The following YEATS2 variants were observed in gnomAD, a reference collection of about 807,000 sequenced individuals.
The protein encoded by YEATS2 is YEATS domain-containing protein 2.
YEATS2 carries 77 observed loss-of-function variants against 163.2 expected under a neutral mutation model. The ratio of observed to expected loss-of-function variants is 0.47; its 90% confidence interval spans 0.39 to 0.57. The LOEUF is 0.57. Among genes scored for constraint, YEATS2 ranks in the 20% least tolerant of loss-of-function variants. The pLI is 0.00. For missense variants in YEATS2, 1,549 were observed against 1,729.8 expected (o/e 0.90, Z 1.85); for synonymous variants, 631 against 645.1 (o/e 0.98, Z 0.33).
At position 183,752,318 on chromosome 3, in the gene YEATS2, A is replaced by T. The variant is rs1428496885; in HGVS notation, c.1150+65A>T. On this transcript the variant is annotated intron_variant, in intron 10 of 30. Transcript: ENST00000305135. ...CATTCCTTTCCCATTTGCTGCTTTCAGAGACCTATAGTATATGGAAAATAA... is the reference window on the plus strand; with the variant it reads ...CATTCCTTTCCCATTTGCTGCTTTCTGAGACCTATAGTATATGGAAAATAA... 4 of 1,577,170 alleles carry T rather than the reference A, an allele frequency of 2.5e-6. No homozygotes were observed. In the African/African-American group the frequency reaches 5.4e-5, roughly 21 times the overall value.
At chr3:183,767,379 C>G (rs1029001629) in intron 15 of YEATS2, among the ~76,000 whole-genome samples, 1 of 135,602 alleles carries the variant, frequency 7.4e-6, no homozygotes, top group African/African-American at 2.6e-5. Context: ...ACCACCACGC[C>G]CAGCTAATTT....
chr3:183,737,066 C>G (rs1180319802), intron 8 of YEATS2, among the ~76,000 whole-genome samples: 1 of 151,922 alleles, frequency 6.6e-6, no homozygotes, highest in Non-Finnish European at 1.5e-5. Context: ...TATATTCTTA[C>G]AATAAAGTAA....
At chr3:183,714,480 G>A (rs1168909924) in intron 1 of YEATS2, among the ~76,000 whole-genome samples, 2 of 151,974 alleles carry the variant, frequency 1.3e-5, no homozygotes, top group African/African-American at 2.4e-5. Flanking sequence ...ACAGGCGTGA[G>A]CCACCGTGCC....
At chr3:183,806,603 G>C (rs1726231365) in intron 27 of YEATS2, 1 of 490,720 alleles carries the variant, frequency 2.0e-6, no homozygotes, top group East Asian at 4.0e-5. Flanking sequence ...CTGGTTTTTG[G>C]TGGCAGAAGT....
chr3:183,790,299 T>A (rs773801740), intron 20 of YEATS2, among the ~76,000 whole-genome samples: 66 of 152,250 alleles, frequency 4.3e-4, no homozygotes, highest in Non-Finnish European at 6.5e-4. Flanking sequence ...ATCATTATAC[T>A]TAGGTGACTG....
At chr3:183,765,919 C>T (rs1218970041) in intron 15 of YEATS2, among the ~76,000 whole-genome samples, 1 of 151,094 alleles carries the variant, frequency 6.6e-6, no homozygotes, top group Non-Finnish European at 1.5e-5. Flanking sequence ...TGTACTCCAG[C>T]CTGGGAGATA....
chr3:183,723,123 G>C (rs971057515), intron 5 of YEATS2, among the ~76,000 whole-genome samples: 1 of 152,198 alleles, frequency 6.6e-6, no homozygotes, highest in Non-Finnish European at 1.5e-5. Flanking sequence ...GTTCTTCAAC[G>C]GTTTCCTCTG....
chr3:183,715,240 G>A lies in YEATS2; in HGVS notation c.78G>A (p.Arg26=), dbSNP rs751315200. 4 of 1,612,172 alleles carry A rather than the reference G, an allele frequency of 2.5e-6. No individual in the cohort carries two copies. Among genetic ancestry groups the A allele is most frequent in the Non-Finnish European group, 3.4e-6 (4 of 1,178,980 alleles). Residue 26 remains arginine, a synonymous_variant, in exon 2 of 31, where the codon CGG becomes CGA. Transcript: ENST00000305135. ...EDVSVALPNK[R]HKAIENSARD... Reference sequence around the variant, plus strand: ...TATCTGTGGCCCTTCCAAATAAGCGGCATAAAGCAATTGAGAATTCAGGTA... The same window carrying A: ...TATCTGTGGCCCTTCCAAATAAGCGACATAAAGCAATTGAGAATTCAGGTA...
At chr3:183,745,083 C>G (rs1438487425) in intron 8 of YEATS2, among the ~76,000 whole-genome samples, 1 of 152,172 alleles carries the variant, frequency 6.6e-6, no homozygotes, top group East Asian at 1.9e-4. Flanking sequence ...CTCTTGGCCT[C>G]CAGTGATCCA....
chr3:183,741,805 GGA>G (rs1037175706), intron 8 of YEATS2, among the ~76,000 whole-genome samples: 8 of 152,094 alleles, frequency 5.3e-5, no homozygotes, highest in Middle Eastern at 3.4e-3. Flanking sequence ...GAGCTTTGAT[GGA>G]GATGTATAAG....
At chr3:183,756,130 A>G (rs1720742766) in intron 11 of YEATS2, among the ~76,000 whole-genome samples, 1 of 152,230 alleles carries the variant, frequency 6.6e-6, no homozygotes, top group African/African-American at 2.4e-5. Context: ...GATTTATCAT[A>G]TCAAGATTCA....
intron 20 of YEATS2, 27 bp downstream of exon 20, chr3:183,786,328 T>C: frequency 1.3e-6 from 2 of 1,579,638 alleles, no homozygotes; most frequent in Non-Finnish European, 1.7e-6. Context: ...CAGTAGAGAA[T>C]CCTAATGAGA....
chr3:183,705,779 C>T (rs766167392), intron 1 of YEATS2, among the ~76,000 whole-genome samples: 16 of 152,140 alleles, frequency 1.1e-4, no homozygotes, highest in Non-Finnish European at 2.9e-5. Flanking sequence ...GTGGCTCACG[C>T]CTCTAATCCC....
chr3:183,791,108 A>G, intron 21 of YEATS2, 128 bp downstream of exon 21: 2 of 1,263,446 alleles, frequency 1.6e-6, no homozygotes, highest in Non-Finnish European at 2.2e-6. Context: ...ATCTCGACTC[A>G]CTGCAACCTC....
chr3:183,798,065 C>T lies in YEATS2; in HGVS notation c.3226+14C>T. On this transcript the variant is annotated intron_variant, in intron 22 of 30. Transcript: ENST00000305135. ...CTGTGAATAAAGGTGAGTCCCTTGC[C>T]CACGGGTCGTCTGTGCTGTGGCTGC... The T allele has an allele frequency of 6.2e-7, 1 of 1,612,664 alleles. No homozygotes were observed. The highest frequency in any genetic ancestry group is 8.5e-7 in the Non-Finnish European group (1 of 1,179,636).
chr3:183,808,271 T>C, intron 29 of YEATS2, 167 bp downstream of exon 29: 1 of 603,406 alleles, frequency 1.7e-6, no homozygotes, highest in Non-Finnish European at 2.9e-6. Flanking sequence ...TCCTTCTGAT[T>C]TTTAAATGGA....
chr3:183,712,658 TG>T (rs1715391224), intron 1 of YEATS2, among the ~76,000 whole-genome samples: 1 of 152,192 alleles, frequency 6.6e-6, no homozygotes. Context: ...CTAACCACCC[TG>T]GACCTGTTTC....
In YEATS2 at chr3:183,755,736, C is replaced by T. The variant is rs9811846; in HGVS notation, c.1391-792C>T. On this transcript the variant is annotated intron_variant, in intron 11 of 30. Coordinates refer to ENST00000305135, the MANE Select transcript of YEATS2 (RefSeq NM_018023.5). Reference sequence around the variant, plus strand: ...TGTTTACTTACTGATTTTCTTCCTTCCTTTCTTTTTTTTTTTTTTTTTTTT... The same window carrying T: ...TGTTTACTTACTGATTTTCTTCCTTTCTTTCTTTTTTTTTTTTTTTTTTTT... Among the ~76,000 whole-genome samples, 78 of 37,750 alleles carry T rather than the reference C, an allele frequency of 2.1e-3. 1 individual carries two copies. The highest frequency in any genetic ancestry group is 6.5e-3 in the African/African-American group (63 of 9,698). 24.8% of individuals were successfully genotyped at this position (37,750 alleles called of 152,430 possible).
chr3:183,722,801 T>C (rs1258273678), intron 5 of YEATS2, among the ~76,000 whole-genome samples: 1 of 152,134 alleles, frequency 6.6e-6, no homozygotes, highest in Admixed American at 6.6e-5. Flanking sequence ...TAGAGGCATG[T>C]GCTACCACGC....
Sources: gnomAD v4.1 joint callset for allele counts (sites outside exome capture counted in the v4.1 genomes callset) on GRCh38, gnomAD v4.1.1 for gene constraint, MANE v1.5 for transcripts, NCBI Gene and HGNC (gene_info 2026-07-23, HGNC 2026-07-21) for gene names.